The following PLA2G5 variants were observed in gnomAD, a reference collection of about 807,000 sequenced individuals.
The protein encoded by PLA2G5 is phospholipase A2 group V, also known as Ca2+-dependent phospholipase A2.
Under a neutral mutation model 15.9 loss-of-function variants are expected in PLA2G5, and 12 were observed. That is an observed-to-expected ratio of 0.76 (90% CI 0.48 to 1.23). The LOEUF is 1.23. Among genes scored for constraint, PLA2G5 ranks in the 50% most tolerant of loss-of-function variants. PLA2G5 has a pLI of 0.00. For synonymous variants in PLA2G5, 71 were observed against 71.4 expected (o/e 0.99, Z 0.03); for missense variants, 169 against 177.1 (o/e 0.95, Z 0.26).
chr1:20,060,792 T>TGGCG (rs2014686946), intron 2 of PLA2G5, among the ~76,000 whole-genome samples: 1 of 149,278 alleles, frequency 6.7e-6, no homozygotes, highest in African/African-American at 2.5e-5. Context: ...TGGAGTGCAA[T>TGGCG]GGCGCACCTC....
intron 1 of PLA2G5, among the ~76,000 whole-genome samples, chr1:20,051,417 CT>C (rs749079860): frequency 1.3e-5 from 2 of 152,170 alleles, no homozygotes; most frequent in African/African-American, 2.4e-5. Context: ...CTGAAGTAAT[CT>C]TTTTGACTTT....
upstream of PLA2G5, among the ~76,000 whole-genome samples, chr1:20,067,610 C>T (rs2015105729): frequency 3.3e-5 from 5 of 152,010 alleles, no homozygotes; most frequent in South Asian, 8.3e-4. Context: ...ATTCCTTGAA[C>T]CTGGGAGGCA....
chr1:20,028,990 G>T (rs2012723514), intron 1 of PLA2G5, among the ~76,000 whole-genome samples: 1 of 152,204 alleles, frequency 6.6e-6, no homozygotes, highest in African/African-American at 2.4e-5. Flanking sequence ...CCCAGTGGGC[G>T]TGTGTTAGTG....
chr1:20,077,613 A>G (rs561720528), intron 1 of PLA2G5, among the ~76,000 whole-genome samples: 234 of 152,350 alleles, frequency 1.5e-3, no homozygotes, highest in Middle Eastern at 3.4e-3. Context: ...GAGCACCTAC[A>G]GGGTGCCAGG....
intron 1 of PLA2G5, among the ~76,000 whole-genome samples, chr1:20,035,375 T>C (rs552130691): frequency 6.6e-6 from 1 of 152,142 alleles, no homozygotes; most frequent in Non-Finnish European, 1.5e-5. Context: ...TCCGGCAGAA[T>C]GTGGTGTTCC....
At chr1:20,029,092 T>A (rs1329767065) in intron 1 of PLA2G5, among the ~76,000 whole-genome samples, 1 of 152,212 alleles carries the variant, frequency 6.6e-6, no homozygotes, top group Non-Finnish European at 1.5e-5. Context: ...GCTTTCTGTA[T>A]CCTGTGATCC....
intron 2 of PLA2G5, among the ~76,000 whole-genome samples, chr1:20,064,582 GAAA>G (rs542726449): frequency 2.4e-5 from 3 of 124,804 alleles, no homozygotes; most frequent in African/African-American, 3.0e-5. Context: ...CTCAAAAAAG[GAAA>G]AAAAAAAAAA....
chr1:20,053,093 A>C (rs964369122), intron 1 of PLA2G5, among the ~76,000 whole-genome samples: 2 of 152,186 alleles, frequency 1.3e-5, no homozygotes, highest in Non-Finnish European at 2.9e-5. Flanking sequence ...GCCTGATGTC[A>C]TCAGGGCCTC....
chr1:20,045,230 G>A (rs764185485), intron 1 of PLA2G5, among the ~76,000 whole-genome samples: 2 of 152,140 alleles, frequency 1.3e-5, no homozygotes, highest in African/African-American at 2.4e-5. Context: ...AGGGTGGAAA[G>A]TTGCCCATAG....
In PLA2G5 at chr1:20,086,165, C is replaced by T. The variant is rs369115056; in HGVS notation, c.123C>T (p.Tyr41=). The T allele has an allele frequency of 2.4e-5, 39 of 1,614,004 alleles. No individual in the cohort carries two copies. Among genetic ancestry groups the T allele is most frequent in the African/African-American group, 1.6e-4 (12 of 74,912 alleles). Residue 41 remains tyrosine, a synonymous_variant, in exon 3 of 5, where the codon TAC becomes TAT. Transcript: ENST00000375108. ...CAGGGAAGAACGCCCTGACAAACTA[C>T]GGCTTCTACGGCTGTTACTGCGGCT... The part of the protein sequence containing the change: ...KVTGKNALTN[Y]GFYGCYCGWG...
At chr1:20,090,188 C>T (rs2016499011) in intron 4 of PLA2G5, among the ~76,000 whole-genome samples, 1 of 152,192 alleles carries the variant, frequency 6.6e-6, no homozygotes, top group African/African-American at 2.4e-5. Context: ...GCTAGAAAGC[C>T]TGCCAGTGCA....
intron 1 of PLA2G5, among the ~76,000 whole-genome samples, chr1:20,046,962 G>T (rs1261720673): frequency 2.6e-5 from 4 of 152,178 alleles, no homozygotes; most frequent in African/African-American, 7.2e-5. Context: ...AGAAACTGTT[G>T]TTTTCATAGG....
chr1:20,090,710 C>T lies in PLA2G5; in HGVS notation c.*18C>T, dbSNP rs2016529135. On this transcript the variant is annotated 3_prime_UTR_variant, in exon 5 of 5. Coordinates refer to ENST00000375108, the MANE Select transcript of PLA2G5 (RefSeq NM_000929.3). ...GCTCCTAGGCCTCCCCAGCGAGCTC[C>T]TCCCAGACCAAGACTTTTGTTCTGT... 5.6e-6 allele frequency: 9 copies of T among 1,613,598 alleles called. No homozygotes were observed. The highest frequency in any genetic ancestry group is 7.6e-6 in the Non-Finnish European group (9 of 1,179,626).
At chr1:20,061,291 T>C (rs1319644914) in intron 2 of PLA2G5, among the ~76,000 whole-genome samples, 1 of 152,048 alleles carries the variant, frequency 6.6e-6, no homozygotes, top group Admixed American at 6.6e-5. Context: ...ATATTATAAA[T>C]CTCTCAGCAC....
intron 1 of PLA2G5, among the ~76,000 whole-genome samples, chr1:20,081,949 G>A (rs1557752372): frequency 6.6e-6 from 1 of 151,774 alleles, no homozygotes; most frequent in Non-Finnish European, 1.5e-5. Flanking sequence ...CTACTTGGGA[G>A]GCTGAGGCAG....
intron 1 of PLA2G5, among the ~76,000 whole-genome samples, chr1:20,072,816 T>G (rs944319360): frequency 6.6e-6 from 1 of 152,176 alleles, no homozygotes; most frequent in Non-Finnish European, 1.5e-5. Context: ...AAAGTTTCAG[T>G]GTTATTCTAG....
intron 1 of PLA2G5, among the ~76,000 whole-genome samples, chr1:20,053,573 G>T (rs937754025): frequency 1.1e-5 from 1 of 88,742 alleles, no homozygotes; most frequent in Admixed American, 1.1e-4. Context: ...TACTTTGCGG[G>T]GGGGGGGGTG....
At chr1:20,089,992 G>A in intron 4 of PLA2G5, 97 bp downstream of exon 4, 3 of 821,710 alleles carry the variant, frequency 3.7e-6, no homozygotes, top group Non-Finnish European at 5.9e-6. Context: ...GTTGGGGGAG[G>A]AGGAGTTGGG....
intron 1 of PLA2G5, among the ~76,000 whole-genome samples, chr1:20,057,978 G>A (rs766991947): frequency 5.9e-5 from 9 of 151,912 alleles, no homozygotes; most frequent in Admixed American, 2.6e-4. Context: ...TTCCATTGTG[G>A]TCTAAAAGCA....
Sources: gnomAD v4.1 joint callset for allele counts (sites outside exome capture counted in the v4.1 genomes callset) on GRCh38, gnomAD v4.1.1 for gene constraint, MANE v1.5 for transcripts, NCBI Gene and HGNC (gene_info 2026-07-23, HGNC 2026-07-21) for gene names.